DLG5: variants seen among roughly 807,000 people sequenced by gnomAD.
DLG5 encodes the protein discs large MAGUK scaffold protein 5.
A neutral mutation model predicts 189.8 loss-of-function variants in DLG5; 48 were observed. That is an observed-to-expected ratio of 0.25 (90% CI 0.20 to 0.32). DLG5 has a LOEUF of 0.32. DLG5 is among the 10% of genes least tolerant of loss of function. The pLI is 1.00. For missense variants in DLG5, 2,160 were observed against 2,544.7 expected (o/e 0.85, Z 3.25); for synonymous variants, 1,016 against 1,054.1 (o/e 0.96, Z 0.70).
chr10:77,792,846 G>A, intron 31 of DLG5: 1 of 394,454 alleles, frequency 2.5e-6, no homozygotes, highest in South Asian at 3.5e-5. Flanking sequence ...ATGTGGCGGT[G>A]GTCTAATCAT....
intron 7 of DLG5, 46 bp downstream of exon 7, chr10:77,841,835 A>G (rs749088137): frequency 6.4e-7 from 1 of 1,569,796 alleles, no homozygotes; most frequent in Non-Finnish European, 8.6e-7. Flanking sequence ...TCTTCCCGGG[A>G]TGCTGTAGGA....
intron 1 of DLG5, among the ~76,000 whole-genome samples, chr10:77,900,118 C>T (rs551637140): frequency 1.3e-5 from 2 of 152,186 alleles, no homozygotes; most frequent in East Asian, 1.9e-4. Context: ...CGTCTTATTG[C>T]TTGCATCTTA....
At chr10:77,816,885 C>T in intron 19 of DLG5, 122 bp downstream of exon 19, 1 of 1,388,036 alleles carries the variant, frequency 7.2e-7, no homozygotes, top group Non-Finnish European at 1.0e-6. Context: ...CTGCTGGGCT[C>T]AGTGAATTTT....
chr10:77,873,035 A>ATG lies in DLG5; in HGVS notation c.305-3839_305-3838insCA, dbSNP rs1844967690. On this transcript the variant is annotated intron_variant, in intron 1 of 31. Transcript: ENST00000372391. ...CTGATGTGTGTGTGTGTGTGTGCAC[A>ATG]CACACACACACACACACGAGAGGAG... Among the ~76,000 whole-genome samples, 14 of 107,890 alleles carry ATG rather than the reference A, an allele frequency of 1.3e-4. No individual in the cohort carries two copies. The East Asian group carries it at 1.6e-3, about 12-fold the overall frequency. The allele number at this position is 107,890 out of a possible 152,430, so 70.8% of individuals were successfully genotyped here. A position where few individuals can be genotyped will look rare whatever the true frequency, so the allele number is the denominator to read the frequency against.
intron 1 of DLG5, among the ~76,000 whole-genome samples, chr10:77,917,455 G>A (rs996503919): frequency 6.6e-6 from 1 of 151,324 alleles, no homozygotes; most frequent in African/African-American, 2.4e-5. Flanking sequence ...GGTTGAAGCT[G>A]CAGTGAGCCA....
intron 14 of DLG5, 134 bp from the exon 15 acceptor site, chr10:77,822,235 CAG>C: frequency 1.1e-6 from 1 of 906,730 alleles, no homozygotes; most frequent in South Asian, 1.7e-5. Flanking sequence ...GACAGATAGA[CAG>C]AGATGCACAC....
chr10:77,894,149 T>C (rs1302771766), intron 1 of DLG5, among the ~76,000 whole-genome samples: 1 of 152,136 alleles, frequency 6.6e-6, no homozygotes, highest in Non-Finnish European at 1.5e-5. Context: ...CACGTGCACA[T>C]ACAAAAACAG....
At chr10:77,867,343 T>A (rs1220519256) in intron 2 of DLG5, among the ~76,000 whole-genome samples, 4 of 152,244 alleles carry the variant, frequency 2.6e-5, no homozygotes, top group Non-Finnish European at 5.9e-5. Flanking sequence ...TACTGATTGC[T>A]ATCTGTTAGA....
chr10:77,856,847 T>C lies in DLG5; in HGVS notation c.419A>G (p.Gln140Arg), dbSNP rs1248696. Residue 140 changes from glutamine (Q) to arginine (R), a missense_variant, in exon 3 of 32, where the codon CAG becomes CGG. By Grantham distance (43) the Gln-to-Arg change is conservative (BLOSUM62 1). This residue lies in a region of DLG5 where 664 missense variants were observed against 838.5 expected (regional missense o/e 0.79). Coordinates refer to ENST00000372391, the MANE Select transcript of DLG5 (RefSeq NM_004747.4). ...GTTCTCCACCTTCTCATTCACTTGCTGGTCAGTGAGGAGGGGTGGTGGGGA... is the reference window on the plus strand; with the variant it reads ...GTTCTCCACCTTCTCATTCACTTGCCGGTCAGTGAGGAGGGGTGGTGGGGA... The part of the protein sequence containing the change: ...APSPPPLLTD[Q>R]QVNEKVENLS... The C allele has an allele frequency of 0.91, 1,465,488 of 1,612,626 alleles. 666,809 individuals carry two copies. The highest frequency in any genetic ancestry group is 1 in the East Asian group (44,864 of 44,872).
chr10:77,804,667 G>A (rs1841382391), intron 27 of DLG5, among the ~76,000 whole-genome samples: 1 of 152,206 alleles, frequency 6.6e-6, no homozygotes, highest in Non-Finnish European at 1.5e-5. Context: ...CACAAGGGCT[G>A]TCTACCAGGG....
At chr10:77,829,055 C>T in intron 12 of DLG5, 70 bp from the exon 13 acceptor site, 1 of 1,488,904 alleles carries the variant, frequency 6.7e-7, no homozygotes, top group Non-Finnish European at 9.3e-7. Context: ...CCTACCTCAT[C>T]TTTGTTACCA....
At chr10:77,927,002 C>CCCGGCTCGGAGG (rs765642703), upstream of DLG5, 16 of 344,210 alleles carry the variant, frequency 4.6e-5, no homozygotes, top group Non-Finnish European at 8.4e-5. Flanking sequence ...ACAGCTCCGG[C>CCCGGCTCGGAGG]CCGGCTCGGA....
At chr10:77,798,569 T>C (rs1276207589) in intron 27 of DLG5, among the ~76,000 whole-genome samples, 1 of 152,220 alleles carries the variant, frequency 6.6e-6, no homozygotes, top group Non-Finnish European at 1.5e-5. Flanking sequence ...TTTTATATGC[T>C]AAAGAAAACC....
intron 1 of DLG5, among the ~76,000 whole-genome samples, chr10:77,877,847 G>A (rs1589246332): frequency 7.4e-6 from 1 of 135,058 alleles, no homozygotes; most frequent in Non-Finnish European, 1.7e-5. Flanking sequence ...GGCGAGGTGT[G>A]AAGGAGTGGA....
chr10:77,937,120 C>T, the DLG5 span, among the ~76,000 whole-genome samples: 2 of 152,152 alleles, frequency 1.3e-5, no homozygotes, highest in African/African-American at 2.4e-5. Context: ...ACTAGCTCCC[C>T]ATTGCCTGCA....
At chr10:77,849,848 T>C (rs1414600182) in intron 5 of DLG5, among the ~76,000 whole-genome samples, 1 of 152,134 alleles carries the variant, frequency 6.6e-6, no homozygotes, top group East Asian at 1.9e-4. Flanking sequence ...GAGGGCAGAG[T>C]GCTCCTTCTA....
At chr10:77,827,289 G>A (rs1842684994) in intron 13 of DLG5, among the ~76,000 whole-genome samples, 1 of 152,150 alleles carries the variant, frequency 6.6e-6, no homozygotes, top group East Asian at 1.9e-4. Context: ...GCAGTGGCGC[G>A]ATCTCGGCTC....
intron 29 of DLG5, 68 bp downstream of exon 29, chr10:77,795,993 G>A: frequency 3.7e-6 from 6 of 1,604,756 alleles, no homozygotes; most frequent in Admixed American, 1.7e-5. Flanking sequence ...TCACGGACCA[G>A]GGGCCTAGAC....
At chr10:77,875,716 A>G (rs572917934) in intron 1 of DLG5, among the ~76,000 whole-genome samples, 1 of 152,118 alleles carries the variant, frequency 6.6e-6, no homozygotes, top group African/African-American at 2.4e-5. Flanking sequence ...ACCTCCTGGG[A>G]TGCTGGGGGG....
Sources: gnomAD v4.1 joint callset for allele counts (sites outside exome capture counted in the v4.1 genomes callset) on GRCh38, gnomAD v4.1.1 for gene constraint, gnomAD v4.1.1 regional missense constraint, MANE v1.5 for transcripts, NCBI Gene and HGNC (gene_info 2026-07-23, HGNC 2026-07-21) for gene names.